The following DNASE2 variants were observed in gnomAD, a reference collection of about 807,000 sequenced individuals.
DNASE2 encodes deoxyribonuclease-2-alpha.
DNASE2 carries 26 observed loss-of-function variants against 29.8 expected under a neutral mutation model. The ratio of observed to expected loss-of-function variants is 0.87; its 90% CI spans 0.64 to 1.21. The LOEUF (loss-of-function observed/expected upper bound fraction) is 1.21. Ranked by LOEUF, DNASE2 falls within the 50% of genes most tolerant of loss-of-function variation. DNASE2 has a pLI of 0.00. For synonymous variants in DNASE2, 186 were observed against 193.5 expected (o/e 0.96, Z 0.32); for missense variants, 415 against 455.6 (o/e 0.91, Z 0.81).
At position 12,878,756 on chromosome 19, in the gene DNASE2, G is replaced by A. The variant is rs1221678470; in HGVS notation, c.425C>T (p.Ala142Val). The A allele has an allele frequency of 2.5e-6, 4 of 1,613,986 alleles. No homozygotes were observed. Among genetic ancestry groups the A allele is most frequent in the Non-Finnish European group, 3.4e-6 (4 of 1,180,012 alleles). The change falls in exon 4 of 6, where the codon GCT becomes GTT. Residue 142 changes from alanine (A) to valine (V), a missense_variant. Ala to Val is a moderately conservative substitution (Grantham distance 64, BLOSUM62 0). Transcript: ENST00000222219. ...GGCGCTATGAGGCCAGCTGTATGCA[G>A]CAGAGGAGGCCGGTGGAGGGAAGTT... ...VPNFPPPASS[A>V]AYSWPHSACT...
Position 12,876,947 on chromosome 19 carries a change from T to C in DNASE2, c.710-584A>G, listed in dbSNP as rs1970328263. Reference sequence around the variant, plus strand: ...AAGCGATTCTCATGCCTCAGCCTCCTGAGTAGCTGGGATTACAGGTGCCCG... The same window carrying C: ...AAGCGATTCTCATGCCTCAGCCTCCCGAGTAGCTGGGATTACAGGTGCCCG... On this transcript the variant is annotated intron_variant, in intron 5 of 5. Transcript: ENST00000222219. 3.9e-5 allele frequency among the ~76,000 whole-genome samples: 6 copies of C among 152,190 alleles called. No homozygotes were observed. In the South Asian group the frequency reaches 1.2e-3, roughly 32 times the overall value.
chr19:12,879,995 C>T (rs1202313494), intron 3 of DNASE2, among the ~76,000 whole-genome samples: 4 of 150,604 alleles, frequency 2.7e-5, no homozygotes, highest in Non-Finnish European at 5.9e-5. Flanking sequence ...ATCCCAGCTA[C>T]TCCAGAGGCT....
rs944741902 is a variant in DNASE2 at position 12,875,902 on chromosome 19, C to G, written c.*88G>C. 10 of 1,557,854 alleles carry G rather than the reference C, an allele frequency of 6.4e-6. 1 individual carries two copies. The highest frequency in any genetic ancestry group is 1.7e-5 in the Admixed American group (1 of 57,974). ...CTCACTATGTAGCCCAGGCTGGTCT[C>G]GAATTCCTGAGTTCAAGTGATCCTC... is the stretch of plus-strand genomic sequence containing the variant. On this transcript the variant is annotated 3_prime_UTR_variant, in exon 6 of 6. Transcript: ENST00000222219.
intron 5 of DNASE2, 76 bp from the exon 6 acceptor site, chr19:12,876,439 C>G (rs1256012924): frequency 2.7e-6 from 4 of 1,504,428 alleles, no homozygotes; most frequent in Non-Finnish European, 2.7e-6. Flanking sequence ...TCCCCTCTCT[C>G]AGCTCAGTTT....
intron 5 of DNASE2, among the ~76,000 whole-genome samples, chr19:12,877,670 C>T (rs1035175532): frequency 2.7e-5 from 4 of 150,544 alleles, no homozygotes; most frequent in African/African-American, 4.9e-5. Flanking sequence ...CTCAGCCTCC[C>T]GAGTAACTGG....
chr19:12,876,112 G>C lies in DNASE2; in HGVS notation c.961C>G (p.Arg321Gly). The part of the protein sequence containing the change: ...DMNRNQGEEQ[R>G]GGGTLCAQLP... The stretch of plus-strand genomic sequence containing the variant: ...TGGGCACACAGTGTGCCCCCACCCC[G>C]TTGCTCCTCTCCCTGGTTCCGATTC... Residue 321 changes from arginine (R) to glycine (G), a missense_variant, in exon 6 of 6, where the codon CGG becomes GGG. By Grantham distance (125) the Arg-to-Gly change is moderately radical. Coordinates refer to ENST00000222219, the MANE Select transcript of DNASE2 (RefSeq NM_001375.3). The C allele has an allele frequency of 1.2e-6, 2 of 1,613,964 alleles. No homozygotes were observed. Among genetic ancestry groups the C allele is most frequent in the Non-Finnish European group, 1.7e-6 (2 of 1,179,932 alleles).
rs963563435 is a variant in DNASE2, at chr19:12,875,494, C to T, written c.*496G>A. On this transcript the variant is annotated 3_prime_UTR_variant, in exon 6 of 6. Transcript: ENST00000222219. Reference sequence around the variant, plus strand: ...ACAACCTCTGCCTCCCGAGTTCAAGCGATTCTCCTGCCTCAGCCTCCCGAG... The same window carrying T: ...ACAACCTCTGCCTCCCGAGTTCAAGTGATTCTCCTGCCTCAGCCTCCCGAG... 2 of 162,682 alleles carry T rather than the reference C, an allele frequency of 1.2e-5. No homozygotes were observed. The highest frequency in any genetic ancestry group is 2.7e-5 in the Non-Finnish European group (2 of 73,926). The allele number at this position is 162,682 out of a possible 1,614,324, so 10.1% of individuals were successfully genotyped here.
rs754023829 is a variant in DNASE2 at position 12,876,089 on chromosome 19, G to A, written c.984C>T (p.Ala328=). 2 of 1,613,796 alleles carry A rather than the reference G, an allele frequency of 1.2e-6. No homozygotes were observed. Among genetic ancestry groups the A allele is most frequent in the African/African-American group, 2.7e-5 (2 of 74,906 alleles). ...EEQRGGGTLC[A]QLPALWKAFQ... The stretch of plus-strand genomic sequence containing the variant: ...AGGCTTTCCAGAGGGCTGGCAGCTG[G>A]GCACACAGTGTGCCCCCACCCCGTT... Residue 328 remains alanine (A), a synonymous_variant, in exon 6 of 6, where the codon GCC becomes GCT. Transcript: ENST00000222219.
intron 5 of DNASE2, 28 bp from the exon 6 acceptor site, chr19:12,876,391 T>TAGGG: frequency 1.2e-6 from 2 of 1,605,358 alleles, no homozygotes; most frequent in South Asian, 2.2e-5. Context: ...AGGGCACAGG[T>TAGGG]AGGGTCAGGG....
intron 2 of DNASE2, 42 bp downstream of exon 2, chr19:12,880,930 G>A: frequency 6.2e-7 from 1 of 1,614,222 alleles, no homozygotes; most frequent in South Asian, 1.1e-5. Context: ...AGGCAGGGCA[G>A]CCCTAGAGTT....
chr19:12,880,102 C>CAAAA (rs71168631), intron 3 of DNASE2, among the ~76,000 whole-genome samples: 3 of 42,448 alleles, frequency 7.1e-5, no homozygotes, highest in Admixed American at 3.4e-4. Flanking sequence ...GAGAGTGCCG[C>CAAAA]AAAAAAAAAA....
In DNASE2 at chr19:12,878,911, GAC is replaced by G; in HGVS notation, c.347-79_347-78del. On this transcript the variant is annotated intron_variant, in intron 3 of 5. Coordinates refer to ENST00000222219, the MANE Select transcript of DNASE2 (RefSeq NM_001375.3). ...TAATCCCAGCACTTTGGGAGACCGAGACACACAGATCACCTGAGGTCAGGAGT... is the reference window on the plus strand; with the variant it reads ...TAATCCCAGCACTTTGGGAGACCGAGACACAGATCACCTGAGGTCAGGAGT... The G allele has an allele frequency of 2.0e-6, 3 of 1,522,412 alleles. No individual in the cohort carries two copies. The South Asian group carries it at 3.6e-5, about 18-fold the overall frequency. The allele number at this position is 1,522,412 out of a possible 1,614,324, so 94.3% of individuals were successfully genotyped here. A position where few individuals can be genotyped will look rare whatever the true frequency, so the allele number is the denominator to read the frequency against.
At chr19:12,878,244 C>A in intron 5 of DNASE2, 138 bp downstream of exon 5, 1 of 1,127,396 alleles carries the variant, frequency 8.9e-7, no homozygotes, top group South Asian at 1.3e-5. Context: ...GGGTTTGAAC[C>A]CAGGTCTGTT....
Position 12,881,336 on chromosome 19 carries a change from CG to C in DNASE2, c.39del (p.Ala14ProfsTer4). The C allele has an allele frequency of 1.3e-6, 2 of 1,568,698 alleles. No homozygotes were observed. Among genetic ancestry groups the C allele is most frequent in the Non-Finnish European group, 1.7e-6 (2 of 1,157,860 alleles). On this transcript the variant is annotated frameshift_variant, in exon 1 of 6. Coordinates refer to ENST00000222219, the MANE Select transcript of DNASE2 (RefSeq NM_001375.3). LOFTEE classifies it high-confidence loss of function. ...PLLLAALLCV[P>X]AGALTCYGDS... Reference sequence around the variant, plus strand: ...TCCCCGTAGCAGGTCAGGGCCCCGGCGGGGACGCACAGCAGCGCTGCCAGCA... The same window carrying C: ...TCCCCGTAGCAGGTCAGGGCCCCGGCGGGACGCACAGCAGCGCTGCCAGCA...
chr19:12,878,762 G>A lies in DNASE2; in HGVS notation c.419C>T (p.Ser140Phe), dbSNP rs765639857. 1.2e-6 allele frequency: 2 copies of A among 1,614,100 alleles called. No individual in the cohort carries two copies. Among genetic ancestry groups the A allele is most frequent in the African/African-American group, 1.3e-5 (1 of 75,040 alleles). ...HSVPNFPPPA[S>F]SAAYSWPHSA... ...ATGAGGCCAGCTGTATGCAGCAGAG[G>A]AGGCCGGTGGAGGGAAGTTAGGTAC... The change falls in exon 4 of 6, where the codon TCC (serine) becomes TTC (phenylalanine). Residue 140 changes from serine to phenylalanine, a missense_variant. Ser to Phe is a radical substitution (Grantham distance 155). Transcript: ENST00000222219.
Position 12,880,989 on chromosome 19 carries a change from G to A in DNASE2, c.250C>T (p.Arg84Trp), listed in dbSNP as rs139356333. The change falls in exon 2 of 6, where the codon CGG becomes TGG. Residue 84 changes from arginine (R) to tryptophan (W), a missense_variant. Transcript: ENST00000222219. ...AVGRSLQPLY[R>W]SNTSQLAFLL... Reference sequence around the variant, plus strand: ...CCCTTCACCTGGCTGGTGTTGCTCCGGTACAGCGGCTGCAGGCTTCGGCCC... The same window carrying A: ...CCCTTCACCTGGCTGGTGTTGCTCCAGTACAGCGGCTGCAGGCTTCGGCCC... 9.3e-6 allele frequency: 15 copies of A among 1,614,004 alleles called. No homozygotes were observed. The African/African-American group carries it at 9.3e-5, about 10-fold the overall frequency.
intron 3 of DNASE2, among the ~76,000 whole-genome samples, chr19:12,880,225 T>C (rs1245648829): frequency 6.6e-6 from 1 of 151,246 alleles, no homozygotes; most frequent in Non-Finnish European, 1.5e-5. Flanking sequence ...TGAGCTGTGA[T>C]ACTGCACTCC....
Position 12,878,707 on chromosome 19 carries a change from G to A in DNASE2, c.474C>T (p.Leu158=). ...ACTGAGCGAAGGGAAAAGACACACA[G>A]AGCAGGGTCTGCCCGTAGGTACAGG... The part of the protein sequence containing the change: ...HSACTYGQTL[L]CVSFPFAQFS... The change falls in exon 4 of 6, where the codon CTC becomes CTT. Residue 158 remains leucine (L), a synonymous_variant. Coordinates refer to ENST00000222219, the MANE Select transcript of DNASE2 (RefSeq NM_001375.3). 1 of 1,614,164 alleles carries A rather than the reference G, an allele frequency of 6.2e-7. No homozygotes were observed. Among genetic ancestry groups the A allele is most frequent in the Non-Finnish European group, 8.5e-7 (1 of 1,180,026 alleles).
intron 3 of DNASE2, among the ~76,000 whole-genome samples, chr19:12,879,731 GAGGCCA>G (rs964317904): frequency 6.6e-6 from 1 of 152,166 alleles, no homozygotes; most frequent in Admixed American, 6.6e-5. Context: ...AGCACATTAA[GAGGCCA>G]AGGTGGGTGG....
Sources: allele counts gnomAD v4.1 joint callset (sites outside exome capture counted in the v4.1 genomes callset), GRCh38; gene constraint gnomAD v4.1.1; transcripts MANE v1.5; gene names NCBI Gene and HGNC (gene_info 2026-07-23, HGNC 2026-07-21).